The following CNTN6 variants were observed in gnomAD, a reference collection of about 807,000 sequenced individuals.
The protein encoded by CNTN6 is contactin 6.
A neutral mutation model predicts 122.8 loss-of-function variants in CNTN6; 137 were observed. That is an observed-to-expected ratio of 1.12 (90% CI 0.97 to 1.29). CNTN6 has a LOEUF of 1.29. Ranked by LOEUF, CNTN6 falls within the 50% of genes most tolerant of loss-of-function variation. The pLI is 0.00. For synonymous variants in CNTN6, 570 were observed against 426.0 expected (o/e 1.34, Z -4.16); for missense variants, 1,634 against 1,223.4 (o/e 1.34, Z -5.01).
intron 1 of CNTN6, among the ~76,000 whole-genome samples, chr3:1,121,399 C>G (rs1559351649): frequency 6.6e-6 from 1 of 151,830 alleles, no homozygotes; most frequent in East Asian, 1.9e-4. Flanking sequence ...TGTTATGAAG[C>G]TCATGTTGCA....
intron 12 of CNTN6, among the ~76,000 whole-genome samples, chr3:1,356,834 T>A (rs947605022): frequency 2.2e-4 from 34 of 151,838 alleles, no homozygotes; most frequent in Admixed American, 3.3e-4. Context: ...TAAGGAGTTA[T>A]TATACTGGTC....
chr3:1,298,258 G>T (rs1696620143), intron 7 of CNTN6: 1 of 329,274 alleles, frequency 3.0e-6, no homozygotes. Flanking sequence ...GACCCATTTA[G>T]GCAGCACATT....
intron 4 of CNTN6, among the ~76,000 whole-genome samples, chr3:1,245,220 ATATATATATATATATACACACAC>A (rs2094547732): frequency 4.3e-5 from 1 of 23,188 alleles, no homozygotes; most frequent in Non-Finnish European, 7.1e-5. Flanking sequence ...ATATATATAT[ATATATATATATATATACACACAC>A]ACATATATAT....
At chr3:1,132,284 C>T (rs2092356321) in intron 1 of CNTN6, among the ~76,000 whole-genome samples, 1 of 152,020 alleles carries the variant, frequency 6.6e-6, no homozygotes. Flanking sequence ...GGGATGTGCT[C>T]AAATATCATT....
intron 8 of CNTN6, among the ~76,000 whole-genome samples, chr3:1,322,916 T>G (rs1303093662): frequency 1.3e-5 from 2 of 151,630 alleles, no homozygotes; most frequent in African/African-American, 2.4e-5. Context: ...TAAAGGAAAG[T>G]CTTTGGAATT....
At chr3:1,287,707 A>G (rs906567668) in intron 5 of CNTN6, among the ~76,000 whole-genome samples, 8 of 152,160 alleles carry the variant, frequency 5.3e-5, no homozygotes, top group African/African-American at 1.9e-4. Flanking sequence ...AATCATCCAC[A>G]CTGCTCATTA....
intron 22 of CNTN6, among the ~76,000 whole-genome samples, chr3:1,403,069 G>A (rs1330616609): frequency 1.3e-5 from 2 of 152,054 alleles, no homozygotes; most frequent in Admixed American, 6.6e-5. Flanking sequence ...ATCCAATGTT[G>A]GCCAATCCTT....
intron 2 of CNTN6, among the ~76,000 whole-genome samples, chr3:1,211,911 A>G (rs867105282): frequency 6.6e-6 from 1 of 152,168 alleles, no homozygotes; most frequent in Admixed American, 6.6e-5. Context: ...CAGATTGAAC[A>G]TGCCTTTAAG....
intron 4 of CNTN6, among the ~76,000 whole-genome samples, chr3:1,273,825 A>G (rs1057213541): frequency 1.3e-5 from 2 of 152,200 alleles, no homozygotes; most frequent in Admixed American, 1.3e-4. Context: ...AGCGGATGCT[A>G]TTTAAGTGGA....
intron 1 of CNTN6, among the ~76,000 whole-genome samples, chr3:1,114,623 G>A (rs760043819): frequency 2.6e-5 from 4 of 151,996 alleles, no homozygotes; most frequent in Non-Finnish European, 5.9e-5. Flanking sequence ...ACATAAATGT[G>A]GACATAGTAA....
intron 2 of CNTN6, among the ~76,000 whole-genome samples, chr3:1,168,056 C>T (rs963036659): frequency 2.6e-5 from 4 of 151,936 alleles, no homozygotes; most frequent in Non-Finnish European, 4.4e-5. Context: ...TAGAGGTGCA[C>T]GCCACCACGC....
chr3:1,122,266 AGAAAG>A (rs1030893535), intron 1 of CNTN6, among the ~76,000 whole-genome samples: 3 of 150,880 alleles, frequency 2.0e-5, no homozygotes, highest in African/African-American at 7.4e-5. Context: ...ACAAGAAAAA[AGAAAG>A]AGAGAGAGAG....
At chr3:1,285,487 A>G (rs1443716710) in intron 5 of CNTN6, among the ~76,000 whole-genome samples, 1 of 152,210 alleles carries the variant, frequency 6.6e-6, no homozygotes, top group Non-Finnish European at 1.5e-5. Flanking sequence ...CTAAATTTGG[A>G]ACTCACCTTA....
chr3:1,228,753 C>A (rs1379810501), intron 4 of CNTN6, among the ~76,000 whole-genome samples: 1 of 152,110 alleles, frequency 6.6e-6, no homozygotes, highest in Non-Finnish European at 1.5e-5. Context: ...AGCTGCTATA[C>A]CTGCAGGGCT....
intron 1 of CNTN6, among the ~76,000 whole-genome samples, chr3:1,138,623 C>A (rs915241685): frequency 3.3e-5 from 5 of 151,744 alleles, no homozygotes; most frequent in Non-Finnish European, 5.9e-5. Context: ...GGGTTTTTTC[C>A]TCTACCACTC....
At chr3:1,145,826 C>T (rs1504073) in intron 1 of CNTN6, among the ~76,000 whole-genome samples, 58,420 of 151,988 alleles carry the variant, frequency 0.38, 11,620 homozygotes, top group South Asian at 0.56. Flanking sequence ...ACCTATTGTG[C>T]ATAGTCTTGA....
At chr3:1,153,676 G>T (rs1351807851) in intron 2 of CNTN6, among the ~76,000 whole-genome samples, 1 of 152,174 alleles carries the variant, frequency 6.6e-6, no homozygotes, top group African/African-American at 2.4e-5. Context: ...ATTTATGATT[G>T]CTTGAATTTC....
At chr3:1,382,815 C>CATCA in intron 17 of CNTN6, 127 bp from the exon 18 acceptor site, 3 of 626,676 alleles carry the variant, frequency 4.8e-6, no homozygotes, top group East Asian at 5.8e-5. Flanking sequence ...TTTTTTAATA[C>CATCA]ATCATTAAAC....
chr3:1,266,189 CTCTT>C (rs1324259634), intron 4 of CNTN6, among the ~76,000 whole-genome samples: 2 of 152,086 alleles, frequency 1.3e-5, no homozygotes, highest in African/African-American at 2.4e-5. Flanking sequence ...TTAATAGTCT[CTCTT>C]TCCCTCCCTC....
Sources: allele counts gnomAD v4.1 joint callset (sites outside exome capture counted in the v4.1 genomes callset), GRCh38; gene constraint gnomAD v4.1.1; transcripts MANE v1.5; gene names NCBI Gene and HGNC (gene_info 2026-07-23, HGNC 2026-07-21).